The following ATL3 variants were observed in gnomAD, a reference collection of about 807,000 sequenced individuals.
ATL3 encodes atlastin GTPase 3, also known as atlastin-3.
A neutral mutation model predicts 69.5 loss-of-function variants in ATL3; 49 were observed. The observed-to-expected ratio is 0.71, with a 90% confidence interval of 0.56 to 0.89. ATL3 has a LOEUF of 0.89. ATL3 is among the 40% of genes least tolerant of loss of function. The probability of loss-of-function intolerance (pLI) is 0.00; values close to 1 mark genes in which losing one functional copy is unlikely to be tolerated. For synonymous variants in ATL3, 214 were observed against 224.1 expected, an observed-to-expected ratio of 0.95 and a Z score of 0.40; for missense variants, 606 against 645.7, an observed-to-expected ratio of 0.94 and a Z score of 0.67.
intron 1 of ATL3, among the ~76,000 whole-genome samples, chr11:63,663,633 G>A (rs1940488175): frequency 6.6e-6 from 1 of 152,184 alleles, no homozygotes; most frequent in Non-Finnish European, 1.5e-5. Context: ...AAGATCCAAA[G>A]ACCTTCAGTC....
chr11:63,667,839 C>T (rs1427978128), intron 1 of ATL3, among the ~76,000 whole-genome samples: 5 of 151,782 alleles, frequency 3.3e-5, no homozygotes, highest in Admixed American at 2.6e-4. Context: ...GACATTGGAG[C>T]TGCACAACTG....
At chr11:63,648,963 CA>C (rs910692933) in intron 5 of ATL3, among the ~76,000 whole-genome samples, 1 of 151,334 alleles carries the variant, frequency 6.6e-6, no homozygotes, top group Non-Finnish European at 1.5e-5. Flanking sequence ...ACTAAAAGTA[CA>C]AAAAAAATTA....
chr11:63,658,094 G>T (rs1050931313), intron 3 of ATL3, among the ~76,000 whole-genome samples: 3 of 152,152 alleles, frequency 2.0e-5, no homozygotes, highest in African/African-American at 7.2e-5. Flanking sequence ...CTGACCTTGT[G>T]ATCTGCCCAC....
At chr11:63,664,901 C>T (rs1032824343) in intron 1 of ATL3, among the ~76,000 whole-genome samples, 4 of 152,014 alleles carry the variant, frequency 2.6e-5, no homozygotes, top group South Asian at 2.1e-4. Context: ...CCACCGCACC[C>T]GGCCAATAAA....
At chr11:63,664,274 C>CA (rs1054778196) in intron 1 of ATL3, among the ~76,000 whole-genome samples, 2 of 152,120 alleles carry the variant, frequency 1.3e-5, no homozygotes, top group African/African-American at 4.8e-5. Context: ...CTCGGTGGCC[C>CA]ATGCCTGTAA....
intron 5 of ATL3, among the ~76,000 whole-genome samples, chr11:63,650,273 T>C (rs530971566): frequency 1.3e-5 from 2 of 152,204 alleles, no homozygotes; most frequent in Non-Finnish European, 2.9e-5. Context: ...GGCATATTTC[T>C]GCATGTTAAA....
At chr11:63,632,214 A>G in intron 11 of ATL3, 1 of 648,300 alleles carries the variant, frequency 1.5e-6, no homozygotes, top group Non-Finnish European at 2.9e-6. Context: ...CAGAGTCTAC[A>G]TAGAACTATG....
intron 1 of ATL3, among the ~76,000 whole-genome samples, chr11:63,661,557 A>G (rs1940419643): frequency 6.6e-6 from 1 of 152,040 alleles, no homozygotes; most frequent in African/African-American, 2.4e-5. Context: ...CAACTTGGCC[A>G]ATATAGCGAG....
In ATL3 at chr11:63,651,972, A is replaced by G. The variant is rs1332700855; in HGVS notation, c.525T>C (p.Ser175=). The G allele has an allele frequency of 6.2e-7, 1 of 1,602,330 alleles. No homozygotes were observed. The highest frequency in any genetic ancestry group is 1.7e-5 in the Admixed American group (1 of 57,354). The change falls in exon 5 of 13, where the codon TCT becomes TCC. Residue 175 remains serine, a synonymous_variant. Coordinates refer to ENST00000398868, the MANE Select transcript of ATL3 (RefSeq NM_015459.5). The part of the protein sequence containing the change: ...MTSSVQIYNL[S]QNIQEDDLQQ... ...GAAGATCATCTTCTTGAATGTTCTGAGATAAATTATAAATCTAGAAAACAA... is the reference window on the plus strand; with the variant it reads ...GAAGATCATCTTCTTGAATGTTCTGGGATAAATTATAAATCTAGAAAACAA...
chr11:63,636,344 G>A lies in ATL3; in HGVS notation c.851-10C>T, dbSNP rs1267333905. On this transcript the variant is annotated splice_polypyrimidine_tract_variant and intron_variant, in intron 8 of 12. Coordinates refer to ENST00000398868, the MANE Select transcript of ATL3 (RefSeq NM_015459.5). ...AATTCACCAGCAATATCTGTTCACA[G>A]GACGACAAAGAAGGGAAAAATAAGC... 1.2e-6 allele frequency: 2 copies of A among 1,613,454 alleles called. No homozygotes were observed. Among genetic ancestry groups the A allele is most frequent in the Non-Finnish European group, 8.5e-7 (1 of 1,179,862 alleles).
chr11:63,653,538 C>T (rs1940145181), intron 3 of ATL3, among the ~76,000 whole-genome samples: 1 of 151,888 alleles, frequency 6.6e-6, no homozygotes, highest in African/African-American at 2.4e-5. Context: ...AAAACCAACA[C>T]ATGAGTATTT....
chr11:63,663,020 C>CA (rs1940468256), intron 1 of ATL3, among the ~76,000 whole-genome samples: 1 of 152,126 alleles, frequency 6.6e-6, no homozygotes, highest in Admixed American at 6.5e-5. Context: ...GCAAAGCAGA[C>CA]AAAACAGTTT....
At chr11:63,652,688 G>C (rs1037325347) in intron 3 of ATL3, 113 bp from the exon 4 acceptor site, 2 of 652,296 alleles carry the variant, frequency 3.1e-6, no homozygotes, top group Non-Finnish European at 5.0e-6. Context: ...ATGTTTATGT[G>C]AGCCTTAAGC....
In ATL3 at chr11:63,659,204, A is replaced by G; in HGVS notation, c.95T>C (p.Val32Ala). ...SKPGPVQVVL[V>A]QKDQHSFELD... is the part of the protein sequence containing the mutation. The stretch of plus-strand genomic sequence containing the variant: ...CTCAAAGGAATGTTGATCTTTCTGA[A>G]CCAAAACAACCTGCACTGGACCAGG... Residue 32 changes from valine (V) to alanine (A), a missense_variant, in exon 2 of 13, where the codon GTT becomes GCT. Val to Ala is a moderately conservative substitution (Grantham distance 64). Transcript: ENST00000398868. 6.2e-7 allele frequency: 1 copy of G among 1,614,202 alleles called. No individual in the cohort carries two copies. The highest frequency in any genetic ancestry group is 8.5e-7 in the Non-Finnish European group (1 of 1,180,038).
intron 12 of ATL3, 60 bp downstream of exon 12, chr11:63,630,980 A>T: frequency 2.7e-6 from 4 of 1,498,074 alleles, no homozygotes; most frequent in Non-Finnish European, 3.6e-6. Context: ...GATATTTTAC[A>T]ACAGAAGCAC....
chr11:63,670,881 G>A (rs924403529), intron 1 of ATL3, among the ~76,000 whole-genome samples: 4 of 152,208 alleles, frequency 2.6e-5, no homozygotes, highest in African/African-American at 4.8e-5. Flanking sequence ...GAGTGCCCGG[G>A]CACGGAGGGG....
chr11:63,635,741 G>C (rs1421868586), intron 9 of ATL3, 151 bp from the exon 10 acceptor site: 3 of 627,830 alleles, frequency 4.8e-6, no homozygotes, highest in Non-Finnish European at 8.3e-6. Context: ...ACACCTTTGA[G>C]TGCATGTTAG....
chr11:63,643,404 G>A lies in ATL3; in HGVS notation c.803C>T (p.Pro268Leu), dbSNP rs1238380950. ...AGGGCTTGTGGCCACCTGGAGTCCT[G>A]GATGTGGTAAGAGAAAGCAGGTGAC... ...SDVTCFLLPH[P>L]GLQVATSPDF... The change falls in exon 8 of 13, where the codon CCA becomes CTA. Residue 268 changes from proline (P) to leucine (L), a missense_variant. Physicochemically the swap from Pro to Leu is moderately conservative, Grantham distance 98. Transcript: ENST00000398868. 3 of 1,610,724 alleles carry A rather than the reference G, an allele frequency of 1.9e-6. No individual in the cohort carries two copies. The South Asian group carries it at 3.3e-5, about 18-fold the overall frequency.
chr11:63,630,998 T>C, intron 12 of ATL3, 42 bp downstream of exon 12: 11 of 1,534,904 alleles, frequency 7.2e-6, no homozygotes, highest in Non-Finnish European at 9.6e-6. Flanking sequence ...CACAAATATC[T>C]GCCCATTATC....
Sources: allele counts gnomAD v4.1 joint callset (sites outside exome capture counted in the v4.1 genomes callset), GRCh38; gene constraint gnomAD v4.1.1; transcripts MANE v1.5; gene names NCBI Gene and HGNC (gene_info 2026-07-23, HGNC 2026-07-21).